Variants in SLX4IP observed in about 807,000 individuals in gnomAD.
The protein encoded by SLX4IP is protein SLX4IP.
In SLX4IP, 34 loss-of-function variants were observed where a neutral mutation model predicts 32.9. The observed-to-expected ratio is 1.03, with a 90% CI of 0.79 to 1.38. The LOEUF is 1.38. SLX4IP is among the 40% of genes most tolerant of loss of function. The probability of loss-of-function intolerance (pLI) is 0.00; values close to 1 mark genes in which losing one functional copy is unlikely to be tolerated. For synonymous variants in SLX4IP, 172 were observed against 171.7 expected (o/e 1.00, Z -0.01); for missense variants, 444 against 479.0 (o/e 0.93, Z 0.68).
At chr20:10,492,305 T>G (rs182597796) in intron 2 of SLX4IP, among the ~76,000 whole-genome samples, 1 of 152,184 alleles carries the variant, frequency 6.6e-6, no homozygotes, top group Non-Finnish European at 1.5e-5. Context: ...CACTGGACAG[T>G]GTAAATTACT....
rs549877347 is a variant in SLX4IP, at chr20:10,488,606, G to A, written c.27+30375G>A. On this transcript the variant is annotated intron_variant, in intron 2 of 7. Transcript: ENST00000334534. The stretch of plus-strand genomic sequence containing the variant: ...GCTGAGCAAGCCTCTCAGTCTCCTC[G>A]TCTTCTGCTTCCTTATTTGTAAAAT... 3.9e-5 allele frequency among the ~76,000 whole-genome samples: 6 copies of A among 152,218 alleles called. No individual in the cohort carries two copies. The East Asian group carries it at 7.7e-4, about 20-fold the overall frequency.
intron 2 of SLX4IP, among the ~76,000 whole-genome samples, chr20:10,516,608 C>CATA (rs2065851879): frequency 6.6e-6 from 1 of 152,172 alleles, no homozygotes. Flanking sequence ...TGCTTTATAG[C>CATA]CCTTCTTCAT....
At position 10,458,158 on chromosome 20, in the gene SLX4IP, C is replaced by CTT; in HGVS notation, c.-29-9_-29-8dup. ...GAAATTTTAATATACCTAATTGTAA[C>CTT]TTTTTTTTTTCTTAAAGGTCTGTAG... is the stretch of plus-strand genomic sequence containing the variant. On this transcript the variant is annotated splice_polypyrimidine_tract_variant and intron_variant, in intron 1 of 7. Coordinates refer to ENST00000334534, the MANE Select transcript of SLX4IP (RefSeq NM_001009608.3). 43 of 1,296,784 alleles carry CTT rather than the reference C, an allele frequency of 3.3e-5. No individual in the cohort carries two copies. The highest frequency in any genetic ancestry group is 7.8e-5 in the East Asian group (3 of 38,260). 80.3% of individuals were successfully genotyped at this position (1,296,784 alleles called of 1,614,324 possible).
At chr20:10,510,952 A>T (rs1381890303) in intron 2 of SLX4IP, among the ~76,000 whole-genome samples, 1 of 152,132 alleles carries the variant, frequency 6.6e-6, no homozygotes, top group Non-Finnish European at 1.5e-5. Flanking sequence ...CGCAGCATGA[A>T]TTGGGCACAC....
chr20:10,619,440 A>T (rs2067081859), intron 6 of SLX4IP, among the ~76,000 whole-genome samples: 1 of 152,142 alleles, frequency 6.6e-6, no homozygotes. Context: ...ACTGAATTTT[A>T]AAAATAAATA....
At chr20:10,565,793 A>G (rs1233416964) in intron 4 of SLX4IP, among the ~76,000 whole-genome samples, 2 of 152,152 alleles carry the variant, frequency 1.3e-5, no homozygotes, top group African/African-American at 4.8e-5. Context: ...GACTTTCCCA[A>G]CTACAAAGGA....
chr20:10,553,852 G>A (rs1461814729), intron 2 of SLX4IP, among the ~76,000 whole-genome samples: 2 of 152,146 alleles, frequency 1.3e-5, no homozygotes, highest in Non-Finnish European at 2.9e-5. Flanking sequence ...TTACATCGTA[G>A]GAAACCATCT....
At chr20:10,614,291 C>T in intron 6 of SLX4IP, 6 of 597,142 alleles carry the variant, frequency 1.0e-5, no homozygotes, top group Non-Finnish European at 1.8e-5. Flanking sequence ...TTCATGAAGT[C>T]CTACCTTGAG....
At chr20:10,563,650 T>C (rs2122505541) in intron 4 of SLX4IP, among the ~76,000 whole-genome samples, 1 of 152,326 alleles carries the variant, frequency 6.6e-6, no homozygotes, top group East Asian at 1.9e-4. Context: ...CAGCAGCATT[T>C]ATTAAAGAAA....
In SLX4IP at chr20:10,625,861, C is replaced by G. The variant is rs1263382780; in HGVS notation, c.*2482C>G. 1 of 152,080 alleles carries G rather than the reference C, an allele frequency of 6.6e-6. No individual in the cohort carries two copies. The highest frequency in any genetic ancestry group is 2.4e-5 in the African/African-American group (1 of 41,406). 9.4% of individuals were successfully genotyped at this position (152,080 alleles called of 1,614,324 possible). ...TTGCACATGGCTGAAACACCCCTGG[C>G]TCTCTTGTTATTTGAGTGGTTGCAT... is the stretch of plus-strand genomic sequence containing the variant. On this transcript the variant is annotated 3_prime_UTR_variant, in exon 8 of 8. Transcript: ENST00000334534.
At chr20:10,471,282 A>G (rs919274831) in intron 2 of SLX4IP, among the ~76,000 whole-genome samples, 1 of 152,216 alleles carries the variant, frequency 6.6e-6, no homozygotes, top group Non-Finnish European at 1.5e-5. Flanking sequence ...ATTTATCCTC[A>G]TCATGCAAGG....
chr20:10,594,499 G>A (rs1213580385), intron 4 of SLX4IP, among the ~76,000 whole-genome samples: 1 of 152,202 alleles, frequency 6.6e-6, no homozygotes, highest in Non-Finnish European at 1.5e-5. Flanking sequence ...GACTCCCGTT[G>A]GCAGCTGTGG....
chr20:10,477,495 G>A (rs2065485626), intron 2 of SLX4IP, among the ~76,000 whole-genome samples: 1 of 152,128 alleles, frequency 6.6e-6, no homozygotes, highest in African/African-American at 2.4e-5. Context: ...TTGAACTCCT[G>A]ACCTCAGGTG....
intron 1 of SLX4IP, among the ~76,000 whole-genome samples, chr20:10,436,628 C>G (rs960094627): frequency 5.3e-5 from 8 of 152,286 alleles, no homozygotes; most frequent in African/African-American, 1.9e-4. Flanking sequence ...GTCCTGGGAT[C>G]ACAGGCCTGA....
At position 10,622,861 on chromosome 20, in the gene SLX4IP, G is replaced by T. The variant is rs765338350; in HGVS notation, c.709G>T (p.Val237Phe). ...AGCTGAGAGCCACTGGGGGCTTCCTGTTCAAAAGCTGGAAAAAGTTAATCA... is the reference window on the plus strand; with the variant it reads ...AGCTGAGAGCCACTGGGGGCTTCCTTTTCAAAAGCTGGAAAAAGTTAATCA... ...KAAESHWGLP[V>F]QKLEKVNQTQ... is the part of the protein sequence containing the mutation. Residue 237 changes from valine to phenylalanine, a missense_variant, in exon 8 of 8, where the codon GTT becomes TTT. Physicochemically the swap from Val to Phe is conservative, Grantham distance 50. Transcript: ENST00000334534. The T allele has an allele frequency of 1.2e-6, 2 of 1,613,952 alleles. No homozygotes were observed. The highest frequency in any genetic ancestry group is 1.1e-5 in the South Asian group (1 of 91,078).
intron 2 of SLX4IP, among the ~76,000 whole-genome samples, chr20:10,495,574 A>G (rs2065660152): frequency 6.6e-6 from 1 of 152,132 alleles, no homozygotes; most frequent in South Asian, 2.1e-4. Flanking sequence ...TCAGCTTCTC[A>G]CTATAGTAAT....
At chr20:10,600,643 A>G (rs901890110) in intron 5 of SLX4IP, among the ~76,000 whole-genome samples, 1 of 152,124 alleles carries the variant, frequency 6.6e-6, no homozygotes, top group Non-Finnish European at 1.5e-5. Context: ...TTGGCTTCCA[A>G]GCGGTGCATC....
At chr20:10,490,745 C>G (rs1189682965) in intron 2 of SLX4IP, among the ~76,000 whole-genome samples, 2 of 152,138 alleles carry the variant, frequency 1.3e-5, no homozygotes, top group African/African-American at 4.8e-5. Flanking sequence ...TAGTGACTTA[C>G]AGTGTTTTTT....
chr20:10,546,938 A>G (rs1043385285), intron 2 of SLX4IP, among the ~76,000 whole-genome samples: 2 of 152,220 alleles, frequency 1.3e-5, no homozygotes, highest in African/African-American at 4.8e-5. Context: ...CTATTCCCAA[A>G]TGTATTCTTC....
Sources: allele counts gnomAD v4.1 joint callset (sites outside exome capture counted in the v4.1 genomes callset), GRCh38; gene constraint gnomAD v4.1.1; transcripts MANE v1.5; gene names NCBI Gene and HGNC (gene_info 2026-07-23, HGNC 2026-07-21).